The following DDR2 variants were observed in gnomAD, a reference collection of about 807,000 sequenced individuals.
DDR2 encodes discoidin domain receptor tyrosine kinase 2.
DDR2 carries 27 observed loss-of-function variants against 94.9 expected under a neutral mutation model. The ratio of observed to expected loss-of-function variants is 0.28; its 90% confidence interval spans 0.21 to 0.39. The LOEUF is 0.39. DDR2 is among the 10% of genes least tolerant of loss of function. The pLI, the probability that DDR2 is intolerant of heterozygous loss-of-function variation, is 1.00. For synonymous variants in DDR2, 382 were observed against 377.2 expected (o/e 1.01, Z -0.15); for missense variants, 783 against 1,076.0 (o/e 0.73, Z 3.81).
chr1:162,724,415 A>G (rs1661557372), intron 3 of DDR2, among the ~76,000 whole-genome samples: 1 of 152,130 alleles, frequency 6.6e-6, no homozygotes, highest in Admixed American at 6.5e-5. Context: ...TACAGTGCTC[A>G]CACCTAGTCT....
At chr1:162,681,377 G>C (rs143741034) in intron 2 of DDR2, among the ~76,000 whole-genome samples, 76 of 152,276 alleles carry the variant, frequency 5.0e-4, no homozygotes, top group African/African-American at 1.8e-3. Flanking sequence ...TCTGGTGACA[G>C]TGGTAATTTA....
chr1:162,662,198 TATTC>T (rs765591669), intron 2 of DDR2, among the ~76,000 whole-genome samples: 4 of 152,220 alleles, frequency 2.6e-5, no homozygotes, highest in Non-Finnish European at 5.9e-5. Flanking sequence ...AAGTACAATG[TATTC>T]ATTCATTCAT....
chr1:162,734,335 A>G (rs1662196261), intron 3 of DDR2, among the ~76,000 whole-genome samples: 1 of 152,180 alleles, frequency 6.6e-6, no homozygotes, highest in Non-Finnish European at 1.5e-5. Context: ...ACAACAGAAA[A>G]CACTTCCTTT....
At chr1:162,653,421 A>G (rs531785722) in intron 1 of DDR2, among the ~76,000 whole-genome samples, 176 of 152,150 alleles carry the variant, frequency 1.2e-3, no homozygotes, top group African/African-American at 4.0e-3. Flanking sequence ...TACTAAAAAT[A>G]TAAAAACTAG....
intron 2 of DDR2, among the ~76,000 whole-genome samples, chr1:162,684,422 A>G (rs559428605): frequency 6.6e-6 from 1 of 152,324 alleles, no homozygotes; most frequent in South Asian, 2.1e-4. Context: ...CCTGAAGTCA[A>G]ATGCCAAGAA....
intron 9 of DDR2, among the ~76,000 whole-genome samples, chr1:162,763,624 C>T (rs528191556): frequency 1.3e-4 from 20 of 151,990 alleles, no homozygotes; most frequent in Non-Finnish European, 2.4e-4. Flanking sequence ...CAGCACCCGA[C>T]GTGGAATCAA....
At chr1:162,745,138 T>C (rs1558060130) in intron 3 of DDR2, among the ~76,000 whole-genome samples, 1 of 152,380 alleles carries the variant, frequency 6.6e-6, no homozygotes, top group East Asian at 1.9e-4. Context: ...GTATGTCTTC[T>C]TTGAAGAAAT....
At chr1:162,646,242 G>A (rs913807299) in intron 1 of DDR2, among the ~76,000 whole-genome samples, 2 of 152,152 alleles carry the variant, frequency 1.3e-5, no homozygotes, top group Non-Finnish European at 2.9e-5. Context: ...TAGAACTCTT[G>A]TGGACTGCAA....
chr1:162,709,386 A>T (rs1196012174), intron 2 of DDR2, among the ~76,000 whole-genome samples: 2 of 152,210 alleles, frequency 1.3e-5, no homozygotes, highest in Non-Finnish European at 2.9e-5. Flanking sequence ...TGATAAGAGA[A>T]CAAGTGCTAG....
At chr1:162,657,681 C>T (rs1395178363) in intron 2 of DDR2, among the ~76,000 whole-genome samples, 1 of 152,118 alleles carries the variant, frequency 6.6e-6, no homozygotes, top group African/African-American at 2.4e-5. Flanking sequence ...GGGGGCCTGT[C>T]CCCTAGTGGA....
intron 5 of DDR2, 85 bp from the exon 6 acceptor site, chr1:162,755,071 A>C: frequency 6.3e-7 from 1 of 1,577,502 alleles, no homozygotes; most frequent in Non-Finnish European, 8.7e-7. Flanking sequence ...TTAAGAAGAG[A>C]GAGTCCATCA....
chr1:162,753,051 T>TAAAA, intron 3 of DDR2, 44 bp from the exon 4 acceptor site: 1 of 1,538,322 alleles, frequency 6.5e-7, no homozygotes, highest in Non-Finnish European at 9.0e-7. Flanking sequence ...GAAATAAAAA[T>TAAAA]AAAACCATGT....
intron 3 of DDR2, among the ~76,000 whole-genome samples, chr1:162,724,202 GTCTCCCAA>G (rs1277609102): frequency 1.3e-5 from 2 of 152,272 alleles, no homozygotes; most frequent in African/African-American, 4.8e-5. Flanking sequence ...AGGGCTACCT[GTCTCCCAA>G]TCCCAGGTGA....
intron 2 of DDR2, among the ~76,000 whole-genome samples, chr1:162,693,018 T>C (rs576857821): frequency 6.6e-6 from 1 of 152,290 alleles, no homozygotes; most frequent in Non-Finnish European, 1.5e-5. Flanking sequence ...TCCATAGAAC[T>C]ACATGGATGA....
At chr1:162,708,723 A>G (rs945501349) in intron 2 of DDR2, among the ~76,000 whole-genome samples, 4 of 152,200 alleles carry the variant, frequency 2.6e-5, no homozygotes, top group African/African-American at 9.7e-5. Flanking sequence ...GGATGGACCA[A>G]ATGAAATGTC....
intron 2 of DDR2, among the ~76,000 whole-genome samples, chr1:162,687,151 G>T (rs1346047058): frequency 2.6e-5 from 4 of 152,174 alleles, no homozygotes; most frequent in Non-Finnish European, 5.9e-5. Flanking sequence ...GTCCAGCCTC[G>T]CTGTGTTTCT....
intron 3 of DDR2, among the ~76,000 whole-genome samples, chr1:162,731,823 A>G (rs1662062629): frequency 6.6e-6 from 1 of 152,208 alleles, no homozygotes; most frequent in South Asian, 2.1e-4. Flanking sequence ...GAGGTTTGGT[A>G]ACTGGTAGTG....
At chr1:162,767,502 GC>G in intron 11 of DDR2, 143 bp downstream of exon 11, 1 of 1,290,812 alleles carries the variant, frequency 7.7e-7, no homozygotes, top group Non-Finnish European at 1.1e-6. Context: ...TAGGAATGAA[GC>G]CAGAATAGAA....
At chr1:162,728,677 A>G (rs1173573953) in intron 3 of DDR2, among the ~76,000 whole-genome samples, 5 of 152,180 alleles carry the variant, frequency 3.3e-5, no homozygotes, top group Non-Finnish European at 7.3e-5. Flanking sequence ...TCTAAAAATT[A>G]GACAAGCAAT....
Sources: allele counts gnomAD v4.1 joint callset (sites outside exome capture counted in the v4.1 genomes callset), GRCh38; gene constraint gnomAD v4.1.1; transcripts MANE v1.5; gene names NCBI Gene and HGNC (gene_info 2026-07-23, HGNC 2026-07-21).